Variants in STARD13 observed in about 807,000 individuals in gnomAD.
STARD13 encodes the protein stAR-related lipid transfer protein 13.
STARD13 carries 62 observed loss-of-function variants against 106.4 expected under a neutral mutation model. The ratio of observed to expected loss-of-function variants is 0.58; its 90% CI spans 0.48 to 0.72. STARD13 has a LOEUF of 0.72. Ranked by LOEUF, STARD13 falls within the 30% of genes least tolerant of loss-of-function variation. The pLI is 0.00. For missense variants in STARD13, 1,387 were observed against 1,424.0 expected, an observed-to-expected ratio of 0.97 and a Z score of 0.42; for synonymous variants, 565 against 553.0, an observed-to-expected ratio of 1.02 and a Z score of -0.31.
the STARD13 span, among the ~76,000 whole-genome samples, chr13:33,571,324 C>T: frequency 6.6e-6 from 1 of 152,170 alleles, no homozygotes; most frequent in Non-Finnish European, 1.5e-5. Flanking sequence ...AAACAAAGGT[C>T]TTTCAATCCA....
chr13:33,134,085 G>A (rs764321243), intron 4 of STARD13, among the ~76,000 whole-genome samples: 1 of 152,184 alleles, frequency 6.6e-6, no homozygotes, highest in Non-Finnish European at 1.5e-5. Flanking sequence ...AACCATGGAC[G>A]TACCAGGGAC....
Position 33,130,273 on chromosome 13 carries a change from T to G in STARD13, c.404A>C (p.Glu135Ala). The change falls in exon 5 of 14, where the codon GAG becomes GCG. Residue 135 changes from glutamate (E) to alanine (A), a missense_variant. Coordinates refer to ENST00000336934, the MANE Select transcript of STARD13 (RefSeq NM_178006.4). This position sits in a 1 kb window ranked among gnomAD's most constrained non-coding sequence, Gnocchi z 4.1. ...FQRKKGDDSD[E>A]EDLCISNKWT... ...TTTGTTGCTGATACAAAGATCTTCCTCATCGGAGTCGTCACCCTGCAGAGC... is the reference window on the plus strand; with the variant it reads ...TTTGTTGCTGATACAAAGATCTTCCGCATCGGAGTCGTCACCCTGCAGAGC... 6.2e-7 allele frequency: 1 copy of G among 1,601,518 alleles called. No homozygotes were observed. The highest frequency in any genetic ancestry group is 8.5e-7 in the Non-Finnish European group (1 of 1,179,592).
intron 1 of STARD13, among the ~76,000 whole-genome samples, chr13:33,315,031 T>G (rs1342443228): frequency 5.9e-5 from 9 of 152,188 alleles, no homozygotes. Flanking sequence ...ATAATGTACA[T>G]AAGATCTGGA....
At chr13:33,123,352 A>C (rs1174088085) in intron 7 of STARD13, among the ~76,000 whole-genome samples, 2 of 152,192 alleles carry the variant, frequency 1.3e-5, no homozygotes, top group African/African-American at 2.4e-5. Context: ...TTCGGGACTT[A>C]ATGATGTTTA....
chr13:33,662,386 A>G, the STARD13 span, among the ~76,000 whole-genome samples: 1 of 152,234 alleles, frequency 6.6e-6, no homozygotes, highest in Non-Finnish European at 1.5e-5. Flanking sequence ...TACAGGTTGT[A>G]TAAAAATGAA....
chr13:33,491,205 C>T, the STARD13 span, among the ~76,000 whole-genome samples: 7 of 152,274 alleles, frequency 4.6e-5, no homozygotes, highest in African/African-American at 1.7e-4. Context: ...AGGTAGAAAA[C>T]GGAAAACATT....
chr13:33,371,459 C>T, the STARD13 span, among the ~76,000 whole-genome samples: 3 of 152,196 alleles, frequency 2.0e-5, no homozygotes, highest in Non-Finnish European at 2.9e-5. Context: ...AAAATTTCAA[C>T]ATATAATAAA....
At chr13:33,545,252 G>T in the STARD13 span, among the ~76,000 whole-genome samples, 3 of 152,014 alleles carry the variant, frequency 2.0e-5, no homozygotes, top group Non-Finnish European at 2.9e-5. Context: ...GAGCCACCGC[G>T]CCTGGCCTAA....
At chr13:33,313,116 T>C (rs936512530) in intron 1 of STARD13, among the ~76,000 whole-genome samples, 3 of 152,348 alleles carry the variant, frequency 2.0e-5, no homozygotes, top group East Asian at 3.9e-4. Context: ...CACACACAAA[T>C]AGAAATTGTA....
At chr13:33,595,419 A>G in the STARD13 span, among the ~76,000 whole-genome samples, 2 of 152,214 alleles carry the variant, frequency 1.3e-5, no homozygotes, top group Non-Finnish European at 2.9e-5. Flanking sequence ...TTAGATAAGG[A>G]CAGTAGGAGT....
chr13:33,333,197 C>T (rs1379312438), intron 1 of STARD13, among the ~76,000 whole-genome samples: 1 of 152,054 alleles, frequency 6.6e-6, no homozygotes, highest in African/African-American at 2.4e-5. Context: ...CGAGACAAGC[C>T]TGGCCAACAT....
chr13:33,419,868 T>G, the STARD13 span, among the ~76,000 whole-genome samples: 1 of 152,140 alleles, frequency 6.6e-6, no homozygotes, highest in Non-Finnish European at 1.5e-5. Flanking sequence ...GCTTCATAAG[T>G]GAAGGACAAA....
intron 1 of STARD13, among the ~76,000 whole-genome samples, chr13:33,282,757 T>G (rs1452239838): frequency 6.6e-6 from 1 of 152,212 alleles, no homozygotes; most frequent in Non-Finnish European, 1.5e-5. Flanking sequence ...CAGGGCACAA[T>G]GGCTCACATT....
In STARD13 at chr13:33,178,289, C is replaced by A. The variant is rs1300975075; in HGVS notation, c.170-10667G>T. Among the ~76,000 whole-genome samples, 3 of 152,172 alleles carry A rather than the reference C, an allele frequency of 2.0e-5. No homozygotes were observed. In the South Asian group the frequency reaches 6.2e-4, roughly 32 times the overall value. On this transcript the variant is annotated intron_variant, in intron 1 of 13. Coordinates refer to ENST00000336934, the MANE Select transcript of STARD13 (RefSeq NM_178006.4). ...CTAGGTGGCTTGAATAACATTTCTA[C>A]TGACATTACTTTAAAAAGTATCTTC... is the stretch of plus-strand genomic sequence containing the variant.
chr13:33,286,948 G>A (rs1892090186), upstream of STARD13, among the ~76,000 whole-genome samples: 1 of 151,984 alleles, frequency 6.6e-6, no homozygotes, highest in Non-Finnish European at 1.5e-5. Flanking sequence ...ATATGTATAT[G>A]TCATTATAAT....
At chr13:33,121,354 G>C (rs1395098461) in intron 7 of STARD13, among the ~76,000 whole-genome samples, 1 of 152,046 alleles carries the variant, frequency 6.6e-6, no homozygotes, top group Non-Finnish European at 1.5e-5. Flanking sequence ...ATTGTCTGAG[G>C]TCAGGAGTTT....
At chr13:33,185,747 C>T in intron 1 of STARD13, 1 of 795,238 alleles carries the variant, frequency 1.3e-6, no homozygotes, top group Non-Finnish European at 2.0e-6. Context: ...TGATTCCCAG[C>T]TCTAGTTTTA....
chr13:33,604,575 T>C, the STARD13 span, among the ~76,000 whole-genome samples: 1 of 152,122 alleles, frequency 6.6e-6, no homozygotes, highest in African/African-American at 2.4e-5. Flanking sequence ...GACAGGCAGA[T>C]CACCTGAGGT....
At chr13:33,407,867 A>G in the STARD13 span, among the ~76,000 whole-genome samples, 4 of 152,226 alleles carry the variant, frequency 2.6e-5, no homozygotes, top group African/African-American at 7.2e-5. Flanking sequence ...AGTGAAGTCA[A>G]TGCCCCTTCA....
Sources: gnomAD v4.1 joint callset for allele counts (sites outside exome capture counted in the v4.1 genomes callset) on GRCh38, gnomAD v4.1.1 for gene constraint, Gnocchi (gnomAD v3.1) non-coding constraint, MANE v1.5 for transcripts, NCBI Gene and HGNC (gene_info 2026-07-23, HGNC 2026-07-21) for gene names.